RNF2: variants seen among roughly 807,000 people sequenced by gnomAD.
The protein encoded by RNF2 is ring finger protein 2.
Under a neutral mutation model 37.2 loss-of-function variants are expected in RNF2, and 6 were observed. The ratio of observed to expected loss-of-function variants is 0.16; its 90% CI spans 0.09 to 0.32. The LOEUF is 0.32. Among genes scored for constraint, RNF2 ranks in the 10% least tolerant of loss-of-function variants. The pLI is 1.00. For synonymous variants in RNF2, 133 were observed against 132.7 expected, an observed-to-expected ratio of 1.00 and a Z score of -0.02; for missense variants, 251 against 404.0, an observed-to-expected ratio of 0.62 and a Z score of 3.25.
intron 1 of RNF2, among the ~76,000 whole-genome samples, 152 bp downstream of exon 1, chr1:185,045,801 C>T (rs1173234313): frequency 5.9e-5 from 9 of 152,104 alleles, no homozygotes; most frequent in Admixed American, 5.9e-4. Context: ...GCCGCCGCCG[C>T]CCCCGGCCGC....
intron 1 of RNF2, among the ~76,000 whole-genome samples, chr1:185,052,870 A>G (rs1650310720): frequency 6.6e-6 from 1 of 152,224 alleles, no homozygotes; most frequent in South Asian, 2.1e-4. Flanking sequence ...CTCTGCCTCA[A>G]GTAATGACGG....
intron 5 of RNF2, 61 bp from the exon 6 acceptor site, chr1:185,099,730 A>T: frequency 1.5e-6 from 2 of 1,365,014 alleles, no homozygotes; most frequent in Admixed American, 2.1e-5. Context: ...TCCATAATTT[A>T]AGTACATTTT....
At chr1:185,068,829 T>G (rs1340018470) in intron 1 of RNF2, among the ~76,000 whole-genome samples, 2 of 152,214 alleles carry the variant, frequency 1.3e-5, no homozygotes, top group Admixed American at 1.3e-4. Flanking sequence ...TTTCTCCTTT[T>G]GGGGAGTATA....
chr1:185,084,176 T>C (rs766723311), intron 1 of RNF2, among the ~76,000 whole-genome samples: 4 of 152,124 alleles, frequency 2.6e-5, no homozygotes, highest in African/African-American at 7.2e-5. Flanking sequence ...ACTCCTGGCC[T>C]CAGGCAGTCC....
At chr1:185,083,891 G>A (rs1360027915) in intron 1 of RNF2, among the ~76,000 whole-genome samples, 2 of 146,542 alleles carry the variant, frequency 1.4e-5, no homozygotes, top group Non-Finnish European at 3.0e-5. Flanking sequence ...ACAGGTGTGA[G>A]CCACTGTGCC....
intron 1 of RNF2, among the ~76,000 whole-genome samples, chr1:185,065,429 C>T (rs914384734): frequency 1.3e-5 from 2 of 152,216 alleles, no homozygotes; most frequent in Non-Finnish European, 2.9e-5. Context: ...TTGTTTTGCT[C>T]CTCACAATAA....
intron 1 of RNF2, among the ~76,000 whole-genome samples, chr1:185,055,278 T>A (rs1650399769): frequency 6.6e-6 from 1 of 152,222 alleles, no homozygotes; most frequent in Non-Finnish European, 1.5e-5. Flanking sequence ...AAATCAGAAA[T>A]GTTCCAATGA....
chr1:185,091,119 A>G (rs1571323747), intron 2 of RNF2, among the ~76,000 whole-genome samples: 1 of 152,240 alleles, frequency 6.6e-6, no homozygotes, highest in African/African-American at 2.4e-5. Context: ...AGCATGAAAC[A>G]TAATTTATTG....
At chr1:185,084,231 T>A (rs118022317) in intron 1 of RNF2, among the ~76,000 whole-genome samples, 45 of 152,332 alleles carry the variant, frequency 3.0e-4, no homozygotes, top group Middle Eastern at 3.4e-3. Context: ...TCTAGCTATC[T>A]GTTGGCTTTA....
At chr1:185,089,241 AC>A (rs1333184226) in intron 2 of RNF2, among the ~76,000 whole-genome samples, 6 of 152,216 alleles carry the variant, frequency 3.9e-5, no homozygotes, top group Admixed American at 3.9e-4. Flanking sequence ...AGTAATGCTT[AC>A]TTGCCTGCTG....
At chr1:185,048,457 ATT>A (rs1650178526) in intron 1 of RNF2, among the ~76,000 whole-genome samples, 1 of 152,192 alleles carries the variant, frequency 6.6e-6, no homozygotes, top group African/African-American at 2.4e-5. Context: ...CTCCCATTTC[ATT>A]TTGAGAATTA....
Position 185,091,731 on chromosome 1 carries a change from T to C in RNF2, c.240T>C (p.Leu80=). The change falls in exon 3 of 7, where the codon CTT becomes CTC. Residue 80 remains leucine, a synonymous_variant. Transcript: ENST00000367510. ...GTGCAGACTGCATCATCACAGCCCT[T>C]AGAAGTGGGTATGTTGAAAAGAGTT... The part of the protein sequence containing the change: ...RFCADCIITA[L]RSGNKECPTC... 1 of 1,613,780 alleles carries C rather than the reference T, an allele frequency of 6.2e-7. No individual in the cohort carries two copies. Among genetic ancestry groups the C allele is most frequent in the Non-Finnish European group, 8.5e-7 (1 of 1,179,808 alleles).
intron 1 of RNF2, among the ~76,000 whole-genome samples, chr1:185,063,606 T>A (rs1650676424): frequency 6.6e-6 from 1 of 152,204 alleles, no homozygotes. Flanking sequence ...ATTACCAAAA[T>A]GTAGTAATTT....
At chr1:185,063,900 C>G (rs181702439) in intron 1 of RNF2, among the ~76,000 whole-genome samples, 23 of 152,192 alleles carry the variant, frequency 1.5e-4, no homozygotes, top group African/African-American at 5.3e-4. Flanking sequence ...CACATCACAT[C>G]GCTTTGTCTG....
chr1:185,059,709 T>G (rs1650544985), intron 1 of RNF2, among the ~76,000 whole-genome samples: 1 of 152,184 alleles, frequency 6.6e-6, no homozygotes, highest in Non-Finnish European at 1.5e-5. Context: ...GCCTCTGACA[T>G]TTACTATGAG....
chr1:185,054,843 G>A (rs1252713239), intron 1 of RNF2, among the ~76,000 whole-genome samples: 1 of 152,106 alleles, frequency 6.6e-6, no homozygotes, highest in Admixed American at 6.5e-5. Flanking sequence ...GACCACAGGC[G>A]GGCGCCGCCA....
intron 1 of RNF2, among the ~76,000 whole-genome samples, chr1:185,053,993 A>G (rs1650351306): frequency 6.6e-6 from 1 of 152,104 alleles, no homozygotes; most frequent in African/African-American, 2.4e-5. Flanking sequence ...GTTAATCTAC[A>G]TTCCCCCCCC....
At chr1:185,048,958 C>T (rs1650195136) in intron 1 of RNF2, among the ~76,000 whole-genome samples, 1 of 150,624 alleles carries the variant, frequency 6.6e-6, no homozygotes. Context: ...GAGGGGAGTG[C>T]CTTTAAATTT....
At chr1:185,085,145 CTTTTTTT>C (rs71555455) in intron 1 of RNF2, among the ~76,000 whole-genome samples, 6 of 103,222 alleles carry the variant, frequency 5.8e-5, no homozygotes, top group Non-Finnish European at 9.2e-5. Context: ...CTTTCTTTTT[CTTTTTTT>C]TTTTTTTTTT....
Sources: gnomAD v4.1 joint callset for allele counts (sites outside exome capture counted in the v4.1 genomes callset) on GRCh38, gnomAD v4.1.1 for gene constraint, MANE v1.5 for transcripts, NCBI Gene and HGNC (gene_info 2026-07-23, HGNC 2026-07-21) for gene names.